Variants in OR1M1 observed in about 807,000 individuals in gnomAD.
The protein encoded by OR1M1 is olfactory receptor family 1 subfamily M member 1, also known as olfactory receptor 1M1.
For synonymous variants in OR1M1, 157 were observed against 165.5 expected (o/e 0.95, Z 0.39); for missense variants, 397 against 401.8 (o/e 0.99, Z 0.10).
chr19:9,093,867 C>T lies in OR1M1; in HGVS notation c.623C>T (p.Ala208Val). Residue 208 changes from alanine (A) to valine (V), a missense_variant, in exon 2 of 2, where the codon GCC becomes GTC. Ala to Val is a moderately conservative substitution (Grantham distance 64). Coordinates refer to ENST00000641627, the MANE Select transcript of OR1M1 (RefSeq NM_001004456.2). ...FILIVAGMVI[A>V]TPFVCILASY... ...CTCATTGTGGCAGGGATGGTGATAG[C>T]CACGCCCTTTGTCTGCATCCTGGCC... is the stretch of plus-strand genomic sequence containing the variant. 2 of 1,614,076 alleles carry T rather than the reference C, an allele frequency of 1.2e-6. No homozygotes were observed. The highest frequency in any genetic ancestry group is 1.7e-6 in the Non-Finnish European group (2 of 1,180,032).
At chr19:9,088,661 G>A (rs573341962) in intron 1 of OR1M1, among the ~76,000 whole-genome samples, 13 of 152,196 alleles carry the variant, frequency 8.5e-5, no homozygotes, top group South Asian at 4.2e-4. Flanking sequence ...CGAGGCGGGC[G>A]GATCACCTGT....
intron 1 of OR1M1, among the ~76,000 whole-genome samples, chr19:9,092,767 G>C (rs1449673871): frequency 6.6e-6 from 1 of 151,732 alleles, no homozygotes; most frequent in Non-Finnish European, 1.5e-5. Flanking sequence ...CGGACGTGGT[G>C]GTGGGCACCT....
intron 1 of OR1M1, among the ~76,000 whole-genome samples, chr19:9,091,316 CCATTT>C (rs1026656491): frequency 5.8e-5 from 6 of 102,606 alleles, no homozygotes; most frequent in African/African-American, 2.4e-4. Flanking sequence ...AGGTTAAACC[CCATTT>C]CTTTTTTTTT....
intron 1 of OR1M1, among the ~76,000 whole-genome samples, chr19:9,087,791 C>A (rs533440345): frequency 1.8e-4 from 28 of 152,192 alleles, no homozygotes; most frequent in African/African-American, 6.5e-4. Context: ...GCCCAGAATC[C>A]AATGGCTCTT....
intron 1 of OR1M1, among the ~76,000 whole-genome samples, chr19:9,089,641 T>A (rs1209174830): frequency 1.3e-5 from 2 of 152,034 alleles, no homozygotes; most frequent in Non-Finnish European, 1.5e-5. Context: ...GCCAGGCTGG[T>A]CTCGAACTCC....
chr19:9,088,383 C>T (rs1265141363), intron 1 of OR1M1, among the ~76,000 whole-genome samples: 1 of 152,112 alleles, frequency 6.6e-6, no homozygotes, highest in Non-Finnish European at 1.5e-5. Flanking sequence ...CTGGTGCTTC[C>T]TTGGAGAGAG....
rs772002185 is a variant in OR1M1, at chr19:9,093,491, G to T, written c.247G>T (p.Val83Leu). 5 of 1,614,082 alleles carry T rather than the reference G, an allele frequency of 3.1e-6. No individual in the cohort carries two copies. In the South Asian group the frequency reaches 5.5e-5, roughly 18 times the overall value. The change falls in exon 2 of 2, where the codon GTG becomes TTG. Residue 83 changes from valine (V) to leucine (L), a missense_variant. By Grantham distance (32) the Val-to-Leu change is conservative. Transcript: ENST00000641627. ...CACCAACACCATCCCTAAGATGCTG[G>T]TGAGCCTTCAAACCGGGAGCAAGGC... ...LATNTIPKMLVSLQTGSKAIS... is the reference protein window; with the variant it reads ...LATNTIPKMLLSLQTGSKAIS...
chr19:9,093,127 T>G, intron 1 of OR1M1, 105 bp from the exon 2 acceptor site: 1 of 615,574 alleles, frequency 1.6e-6, no homozygotes, highest in Non-Finnish European at 2.9e-6. Context: ...TATATACACA[T>G]CTGGTCTCAT....
intron 1 of OR1M1, among the ~76,000 whole-genome samples, chr19:9,092,999 G>A (rs2050301430): frequency 6.7e-6 from 1 of 148,402 alleles, no homozygotes; most frequent in African/African-American, 2.5e-5. Flanking sequence ...CCGTACATGT[G>A]TGGAATATAT....
intron 1 of OR1M1, among the ~76,000 whole-genome samples, chr19:9,087,630 T>C (rs557842346): frequency 7.8e-4 from 118 of 152,218 alleles, no homozygotes; most frequent in South Asian, 1.7e-3. Flanking sequence ...TTTGTATTTT[T>C]AGTAGAGACA....
intron 1 of OR1M1, among the ~76,000 whole-genome samples, chr19:9,091,676 CAAAG>C (rs2050294014): frequency 6.6e-6 from 1 of 150,724 alleles, no homozygotes; most frequent in Non-Finnish European, 1.5e-5. Context: ...AAAAAAAAAA[CAAAG>C]GAAGGAAGTT....
intron 1 of OR1M1, among the ~76,000 whole-genome samples, chr19:9,090,828 T>C (rs901053157): frequency 9.2e-5 from 14 of 151,860 alleles, no homozygotes; most frequent in African/African-American, 3.4e-4. Context: ...GAGCCTTTCA[T>C]TTAGGGTGTC....
chr19:9,094,302 A>T lies in OR1M1; in HGVS notation c.*116A>T, dbSNP rs1222095563. ...CACTTTGAATTTTATTATTATTATT[A>T]TTATTTAGAGATGGGGTCTCACTAT... On this transcript the variant is annotated 3_prime_UTR_variant, in exon 2 of 2. Transcript: ENST00000641627. 1 of 619,284 alleles carries T rather than the reference A, an allele frequency of 1.6e-6. No individual in the cohort carries two copies. Among genetic ancestry groups the T allele is most frequent in the East Asian group, 2.8e-5 (1 of 35,990 alleles). 38.4% of individuals were successfully genotyped at this position (619,284 alleles called of 1,614,324 possible). A position where few individuals can be genotyped will look rare whatever the true frequency, so the allele number is the denominator to read the frequency against.
At chr19:9,090,123 C>T (rs185218381) in intron 1 of OR1M1, among the ~76,000 whole-genome samples, 2 of 152,294 alleles carry the variant, frequency 1.3e-5, no homozygotes, top group African/African-American at 4.8e-5. Context: ...ATAACCATCA[C>T]TGATTCATGC....
chr19:9,093,504 C>T lies in OR1M1; in HGVS notation c.260C>T (p.Thr87Ile), dbSNP rs1428150947. 6.2e-7 allele frequency: 1 copy of T among 1,614,028 alleles called. No homozygotes were observed. The highest frequency in any genetic ancestry group is 8.5e-7 in the Non-Finnish European group (1 of 1,180,042). Residue 87 changes from threonine to isoleucine, a missense_variant, in exon 2 of 2, where the codon ACC becomes ATC. By Grantham distance (89) the Thr-to-Ile change is moderately conservative. Coordinates refer to ENST00000641627, the MANE Select transcript of OR1M1 (RefSeq NM_001004456.2). ...TIPKMLVSLQ[T>I]GSKAISYPCC... ...CCTAAGATGCTGGTGAGCCTTCAAA[C>T]CGGGAGCAAGGCCATCTCTTATCCC...
chr19:9,093,790 T>C lies in OR1M1; in HGVS notation c.546T>C (p.Thr182=). The change falls in exon 2 of 2, where the codon ACT becomes ACC. Residue 182 remains threonine (T), a synonymous_variant. Transcript: ENST00000641627. The stretch of plus-strand genomic sequence containing the variant: ...TGCCTCACTACTTCTGCGACCTCAC[T>C]CCCATCCTCCGACTTTCGTGCACGG... ...HEVPHYFCDL[T]PILRLSCTDT... 6.2e-7 allele frequency: 1 copy of C among 1,613,868 alleles called. No homozygotes were observed. Among genetic ancestry groups the C allele is most frequent in the Non-Finnish European group, 8.5e-7 (1 of 1,179,994 alleles).
Position 9,093,077 on chromosome 19 carries a change from T to TACACACACACAC in OR1M1, c.-13-154_-13-153insCACACACACACA, listed in dbSNP as rs545067737. 1.7e-3 allele frequency: 774 copies of TACACACACACAC among 458,888 alleles called. 4 individuals are homozygous for TACACACACACAC. The African/African-American group carries it at 0.017, about 10-fold the overall frequency. 28.4% of individuals were successfully genotyped at this position (458,888 alleles called of 1,614,324 possible). A position where few individuals can be genotyped will look rare whatever the true frequency, so the allele number is the denominator to read the frequency against. On this transcript the variant is annotated intron_variant, in intron 1 of 1. Transcript: ENST00000641627. Reference sequence around the variant, plus strand: ...TACACACACACATATATATTCTATATATACACACACACACACACACACACA... The same window carrying TACACACACACAC: ...TACACACACACATATATATTCTATATACACACACACACATACACACACACACACACACACACA...
Position 9,093,756 on chromosome 19 carries a change from G to A in OR1M1, c.512G>A (p.Ser171Asn), listed in dbSNP as rs200806246. ...ATGGCCCGTCTCGTTTTCTGCGGCA[G>A]CCATGAGGTGCCTCACTACTTCTGC... ...LLMARLVFCG[S>N]HEVPHYFCDL... The change falls in exon 2 of 2, where the codon AGC becomes AAC. Residue 171 changes from serine to asparagine, a missense_variant. Ser to Asn is a conservative substitution (Grantham distance 46). Coordinates refer to ENST00000641627, the MANE Select transcript of OR1M1 (RefSeq NM_001004456.2). 2 of 1,613,956 alleles carry A rather than the reference G, an allele frequency of 1.2e-6. No individual in the cohort carries two copies. Among genetic ancestry groups the A allele is most frequent in the East Asian group, 4.5e-5 (2 of 44,866 alleles).
At chr19:9,092,252 G>A (rs2050297275) in intron 1 of OR1M1, among the ~76,000 whole-genome samples, 1 of 151,792 alleles carries the variant, frequency 6.6e-6, no homozygotes, top group African/African-American at 2.4e-5. Context: ...AAAAGAAGAA[G>A]AGTTGCTATA....
Sources: allele counts gnomAD v4.1 joint callset (sites outside exome capture counted in the v4.1 genomes callset), GRCh38; gene constraint gnomAD v4.1.1; transcripts MANE v1.5; gene names NCBI Gene and HGNC (gene_info 2026-07-23, HGNC 2026-07-21).